The following STXBP5L variants were observed in gnomAD, a reference collection of about 807,000 sequenced individuals.
The protein encoded by STXBP5L is syntaxin-binding protein 5-like.
In STXBP5L, 65 loss-of-function variants were observed where a neutral mutation model predicts 144.5. That is an observed-to-expected ratio of 0.45 (90% CI 0.37 to 0.55). STXBP5L has a LOEUF of 0.55. Ranked by LOEUF, STXBP5L falls within the 20% of genes least tolerant of loss-of-function variation. STXBP5L has a pLI of 0.00. For missense variants in STXBP5L, 1,298 were observed against 1,405.5 expected (o/e 0.92, Z 1.22); for synonymous variants, 505 against 469.6 (o/e 1.08, Z -0.97).
At chr3:120,953,785 G>T (rs1937713950) in intron 2 of STXBP5L, among the ~76,000 whole-genome samples, 1 of 152,008 alleles carries the variant, frequency 6.6e-6, no homozygotes, top group Non-Finnish European at 1.5e-5. Context: ...TTCCTATCTG[G>T]ATGTGTCTTA....
chr3:120,989,191 A>C (rs942269752), intron 3 of STXBP5L, among the ~76,000 whole-genome samples: 1 of 152,054 alleles, frequency 6.6e-6, no homozygotes, highest in Non-Finnish European at 1.5e-5. Context: ...CAGTAGTGGG[A>C]TTGCTGAGTC....
intron 3 of STXBP5L, among the ~76,000 whole-genome samples, chr3:121,034,718 T>C (rs1236412981): frequency 6.6e-6 from 1 of 152,188 alleles, no homozygotes; most frequent in Admixed American, 6.6e-5. Context: ...TAATGATTTC[T>C]TCTCCTTTGG....
intron 5 of STXBP5L, among the ~76,000 whole-genome samples, chr3:121,103,538 G>T (rs2043540276): frequency 6.6e-6 from 1 of 152,118 alleles, no homozygotes; most frequent in South Asian, 2.1e-4. Flanking sequence ...GACTACTAGG[G>T]GGCAAGAGTT....
intron 5 of STXBP5L, among the ~76,000 whole-genome samples, chr3:121,076,235 G>T (rs977880988): frequency 2.6e-5 from 4 of 152,134 alleles, no homozygotes; most frequent in Admixed American, 6.5e-5. Context: ...GGCTTTTCAG[G>T]CAAGGGCTCT....
intron 3 of STXBP5L, among the ~76,000 whole-genome samples, chr3:120,964,633 A>G (rs1939324845): frequency 6.6e-6 from 1 of 152,146 alleles, no homozygotes; most frequent in Non-Finnish European, 1.5e-5. Flanking sequence ...GTGGTCTGAG[A>G]GACAGTTTGT....
Position 121,366,826 on chromosome 3 carries a change from A to G in STXBP5L, c.2177-11890A>G, listed in dbSNP as rs577288854. Among the ~76,000 whole-genome samples, 7 of 151,156 alleles carry G rather than the reference A, an allele frequency of 4.6e-5. No individual in the cohort carries two copies. In the East Asian group the frequency reaches 1.2e-3, roughly 25 times the overall value. Reference sequence around the variant, plus strand: ...TAGCTTTTTTGTACTCCATTTTTTTATTACTGTTTGTGTGTGGTCTTGTGT... The same window carrying G: ...TAGCTTTTTTGTACTCCATTTTTTTGTTACTGTTTGTGTGTGGTCTTGTGT... On this transcript the variant is annotated intron_variant, in intron 20 of 26. Coordinates refer to ENST00000471454, the MANE Select transcript of STXBP5L (RefSeq NM_001308330.2).
At chr3:121,159,774 C>A (rs1004174523) in intron 9 of STXBP5L, among the ~76,000 whole-genome samples, 1 of 151,536 alleles carries the variant, frequency 6.6e-6, no homozygotes, top group Non-Finnish European at 1.5e-5. Flanking sequence ...GGACTACAGG[C>A]GCCCGCTACC....
At chr3:121,193,262 C>T (rs2047775507) in intron 9 of STXBP5L, among the ~76,000 whole-genome samples, 1 of 142,884 alleles carries the variant, frequency 7.0e-6, no homozygotes, top group Non-Finnish European at 1.5e-5. Flanking sequence ...CAAATCAAAA[C>T]CACAGTGAGA....
intron 5 of STXBP5L, among the ~76,000 whole-genome samples, chr3:121,075,255 C>A (rs972276016): frequency 1.3e-5 from 2 of 152,118 alleles, no homozygotes; most frequent in African/African-American, 4.8e-5. Flanking sequence ...CATCTGCTTG[C>A]ATTTCACACA....
At chr3:121,370,053 C>T (rs2045984750) in intron 20 of STXBP5L, among the ~76,000 whole-genome samples, 2 of 152,018 alleles carry the variant, frequency 1.3e-5, no homozygotes, top group South Asian at 4.1e-4. Flanking sequence ...ATAGAGTTCT[C>T]CTGAGATACG....
intron 3 of STXBP5L, among the ~76,000 whole-genome samples, chr3:121,008,626 T>G (rs890724965): frequency 6.6e-6 from 1 of 152,020 alleles, no homozygotes; most frequent in Non-Finnish European, 1.5e-5. Context: ...TTAAGCTGGT[T>G]CCTTACAATG....
chr3:121,013,465 T>G (rs963488745), intron 3 of STXBP5L, among the ~76,000 whole-genome samples: 2 of 152,076 alleles, frequency 1.3e-5, no homozygotes, highest in Admixed American at 1.3e-4. Context: ...GCATTTTTTA[T>G]ATGTTTGTTG....
intron 3 of STXBP5L, among the ~76,000 whole-genome samples, chr3:121,023,075 C>T (rs1945677148): frequency 1.3e-5 from 2 of 151,928 alleles, no homozygotes; most frequent in South Asian, 4.1e-4. Context: ...AAATAATGCA[C>T]ACAAATCAGT....
At chr3:120,998,064 G>A (rs1198347379) in intron 3 of STXBP5L, among the ~76,000 whole-genome samples, 1 of 152,102 alleles carries the variant, frequency 6.6e-6, no homozygotes, top group South Asian at 2.1e-4. Context: ...AACAAACAAA[G>A]CATTGAAGGA....
At chr3:121,393,807 A>ACT (rs2108714081) in intron 22 of STXBP5L, among the ~76,000 whole-genome samples, 1 of 151,976 alleles carries the variant, frequency 6.6e-6, no homozygotes, top group South Asian at 2.1e-4. Context: ...TTATACGAGT[A>ACT]CTCTGCTGTT....
At chr3:121,006,852 T>G (rs1421106841) in intron 3 of STXBP5L, among the ~76,000 whole-genome samples, 2 of 152,186 alleles carry the variant, frequency 1.3e-5, no homozygotes, top group Non-Finnish European at 2.9e-5. Context: ...GAAAATTATT[T>G]TCTTTAAGAA....
chr3:120,976,142 G>A (rs536590019), intron 3 of STXBP5L, among the ~76,000 whole-genome samples: 4 of 151,964 alleles, frequency 2.6e-5, no homozygotes, highest in Non-Finnish European at 4.4e-5. Context: ...CTTGTACCTC[G>A]GGTAGAATTC....
intron 3 of STXBP5L, among the ~76,000 whole-genome samples, chr3:121,004,930 A>G (rs916032046): frequency 6.6e-6 from 1 of 152,048 alleles, no homozygotes; most frequent in East Asian, 1.9e-4. Flanking sequence ...AAGCTTTTTG[A>G]TGTGCTCCTG....
At chr3:121,057,892 T>C (rs1182469288) in intron 5 of STXBP5L, among the ~76,000 whole-genome samples, 1 of 152,116 alleles carries the variant, frequency 6.6e-6, no homozygotes, top group East Asian at 1.9e-4. Flanking sequence ...ATACATACTA[T>C]AGCCTGACTC....
Sources: gnomAD v4.1 joint callset for allele counts (sites outside exome capture counted in the v4.1 genomes callset) on GRCh38, gnomAD v4.1.1 for gene constraint, MANE v1.5 for transcripts, NCBI Gene and HGNC (gene_info 2026-07-23, HGNC 2026-07-21) for gene names.